Variants in CCDC178 observed in about 807,000 individuals in gnomAD.
CCDC178 encodes the protein coiled-coil domain-containing protein 178.
CCDC178 carries 126 observed loss-of-function variants against 117.4 expected under a neutral mutation model. The observed-to-expected ratio is 1.07, with a 90% CI of 0.93 to 1.24. The LOEUF is 1.24. Among genes scored for constraint, CCDC178 ranks in the 50% most tolerant of loss-of-function variants. The probability of loss-of-function intolerance (pLI) is 0.00; values close to 1 mark genes in which losing one functional copy is unlikely to be tolerated. For synonymous variants in CCDC178, 283 were observed against 313.4 expected (o/e 0.90, Z 1.02); for missense variants, 1,030 against 986.9 (o/e 1.04, Z -0.59).
intron 9 of CCDC178, among the ~76,000 whole-genome samples, chr18:33,340,124 CCAGGATGAGGTGGTCT>C (rs1303103930): frequency 6.6e-6 from 1 of 152,022 alleles, no homozygotes; most frequent in African/African-American, 2.4e-5. Context: ...ACAATAAGGT[CCAGGATGAGGTGGTCT>C]CAGACAGAGA....
At position 33,323,477 on chromosome 18, in the gene CCDC178, C is replaced by G; in HGVS notation, c.1022+14G>C. ...TTCTAAATGCTATAATTAGTGTTTG[C>G]GAAAAATTCTTACTTGTAGGCCTCT... On this transcript the variant is annotated intron_variant, in intron 11 of 22. Coordinates refer to ENST00000383096, the MANE Select transcript of CCDC178 (RefSeq NM_001105528.4). The G allele has an allele frequency of 6.9e-7, 1 of 1,438,912 alleles. No individual in the cohort carries two copies. The highest frequency in any genetic ancestry group is 9.2e-7 in the Non-Finnish European group (1 of 1,090,982). The allele number at this position is 1,438,912 out of a possible 1,614,324, so 89.1% of individuals were successfully genotyped here. A position where few individuals can be genotyped will look rare whatever the true frequency, so the allele number is the denominator to read the frequency against.
intron 14 of CCDC178, among the ~76,000 whole-genome samples, chr18:33,246,062 C>A (rs1321986012): frequency 6.6e-6 from 1 of 151,854 alleles, no homozygotes; most frequent in African/African-American, 2.4e-5. Context: ...ACTAACTCCA[C>A]ATTATAATAA....
At chr18:33,131,120 T>C (rs540708704) in intron 20 of CCDC178, among the ~76,000 whole-genome samples, 8 of 152,002 alleles carry the variant, frequency 5.3e-5, no homozygotes, top group South Asian at 2.1e-4. Flanking sequence ...AATTATTTCA[T>C]TGATGTTTTA....
chr18:33,382,991 G>C (rs1346794715), intron 5 of CCDC178, among the ~76,000 whole-genome samples: 1 of 151,888 alleles, frequency 6.6e-6, no homozygotes, highest in African/African-American at 2.4e-5. Flanking sequence ...AGGAGGCAGG[G>C]GCAGGGGGAG....
intron 21 of CCDC178, among the ~76,000 whole-genome samples, chr18:33,071,110 A>G (rs780382322): frequency 6.6e-6 from 1 of 152,148 alleles, no homozygotes; most frequent in Non-Finnish European, 1.5e-5. Flanking sequence ...GGAGAGGTTT[A>G]TACAGTGAGC....
chr18:33,381,342 T>C (rs1329654331), intron 5 of CCDC178, among the ~76,000 whole-genome samples: 3 of 152,178 alleles, frequency 2.0e-5, no homozygotes, highest in African/African-American at 7.2e-5. Flanking sequence ...ATGCTCAGAC[T>C]TTGTAAGCAA....
At chr18:33,045,940 C>T (rs9958691) in intron 21 of CCDC178, among the ~76,000 whole-genome samples, 21,607 of 152,032 alleles carry the variant, frequency 0.14, 2,372 homozygotes, top group African/African-American at 0.31. Context: ...TGGTGGCACC[C>T]ACCTATTATC....
chr18:33,389,193 A>T (rs2063532771), intron 5 of CCDC178, among the ~76,000 whole-genome samples: 1 of 152,174 alleles, frequency 6.6e-6, no homozygotes, highest in Admixed American at 6.5e-5. Flanking sequence ...TACACCCCCA[A>T]AAACATTTGT....
intron 12 of CCDC178, 79 bp from the exon 13 acceptor site, chr18:33,267,376 G>A: frequency 1.3e-6 from 1 of 787,246 alleles, no homozygotes; most frequent in Non-Finnish European, 2.0e-6. Flanking sequence ...AATTAATCAT[G>A]ATAAAGTAGA....
chr18:33,392,064 C>G (rs1396209228), intron 4 of CCDC178, among the ~76,000 whole-genome samples: 1 of 151,870 alleles, frequency 6.6e-6, no homozygotes, highest in African/African-American at 2.4e-5. Flanking sequence ...GGGGTTTTGT[C>G]ATGTTGGCAA....
At chr18:33,266,775 C>T (rs2058684859) in intron 14 of CCDC178, 141 bp downstream of exon 14, 1 of 874,620 alleles carries the variant, frequency 1.1e-6, no homozygotes, top group Non-Finnish European at 1.6e-6. Context: ...CTAAAGGCAA[C>T]ATTTTGAATA....
chr18:33,166,909 T>C lies in CCDC178; in HGVS notation c.2238+44987A>G, dbSNP rs142572839. The stretch of plus-strand genomic sequence containing the variant: ...TAAGCATAGTACCTGATAGGTAATT[T>C]TTCGATCCTCACCCTCCTGCCTCCC... On this transcript the variant is annotated intron_variant, in intron 20 of 22. Coordinates refer to ENST00000383096, the MANE Select transcript of CCDC178 (RefSeq NM_001105528.4). Among the ~76,000 whole-genome samples the C allele has an allele frequency of 1.2e-3, 188 of 152,300 alleles. 1 individual carries two copies. The highest frequency in any genetic ancestry group is 4.2e-3 in the African/African-American group (174 of 41,578).
At chr18:33,225,877 T>G (rs2059297393) in intron 16 of CCDC178, among the ~76,000 whole-genome samples, 1 of 135,168 alleles carries the variant, frequency 7.4e-6, no homozygotes. Flanking sequence ...AAAACACTGT[T>G]AGGGCCGGGC....
intron 9 of CCDC178, among the ~76,000 whole-genome samples, chr18:33,338,805 T>C (rs557226685): frequency 9.2e-5 from 14 of 152,042 alleles, no homozygotes; most frequent in Non-Finnish European, 1.6e-4. Context: ...TGTACAGTGA[T>C]AAGTGCACCA....
At chr18:33,428,547 C>T (rs886148900) in intron 2 of CCDC178, among the ~76,000 whole-genome samples, 2 of 151,720 alleles carry the variant, frequency 1.3e-5, no homozygotes, top group Non-Finnish European at 2.9e-5. Context: ...TGCTGGCCAA[C>T]ATGGTGAAAC....
At chr18:33,004,443 T>A (rs377609977) in intron 21 of CCDC178, among the ~76,000 whole-genome samples, 34 of 152,158 alleles carry the variant, frequency 2.2e-4, no homozygotes, top group African/African-American at 8.2e-4. Context: ...TGCAGAAGAA[T>A]GAAACAAGAC....
chr18:33,055,807 ATTT>A (rs111278278), intron 21 of CCDC178, among the ~76,000 whole-genome samples: 1 of 140,366 alleles, frequency 7.1e-6, no homozygotes, highest in African/African-American at 2.6e-5. Flanking sequence ...TCAATGGATA[ATTT>A]TTTTTTTTTT....
intron 20 of CCDC178, among the ~76,000 whole-genome samples, chr18:33,098,722 C>T (rs2057580871): frequency 6.6e-6 from 1 of 152,032 alleles, no homozygotes; most frequent in Non-Finnish European, 1.5e-5. Context: ...AGAGCATCCT[C>T]ACATCTAGCC....
intron 9 of CCDC178, among the ~76,000 whole-genome samples, chr18:33,339,880 T>C (rs1289290616): frequency 1.3e-5 from 2 of 152,108 alleles, no homozygotes; most frequent in Non-Finnish European, 2.9e-5. Context: ...TTCTTCCTAG[T>C]CTCGGGTATG....
Sources: allele counts gnomAD v4.1 joint callset (sites outside exome capture counted in the v4.1 genomes callset), GRCh38; gene constraint gnomAD v4.1.1; transcripts MANE v1.5; gene names NCBI Gene and HGNC (gene_info 2026-07-23, HGNC 2026-07-21).